Variants in PARG observed in about 807,000 individuals in gnomAD.
PARG encodes the protein mitochondrial poly(ADP-ribose) glycohydrolase.
PARG carries 35 observed loss-of-function variants against 113.0 expected under a neutral mutation model. The observed-to-expected ratio is 0.31, with a 90% CI of 0.24 to 0.41. The LOEUF (loss-of-function observed/expected upper bound fraction) is 0.41. Among genes scored for constraint, PARG ranks in the 10% least tolerant of loss-of-function variants. The pLI is 1.00. For missense variants in PARG, 797 were observed against 1,169.4 expected, an observed-to-expected ratio of 0.68 and a Z score of 4.64; for synonymous variants, 330 against 409.9, an observed-to-expected ratio of 0.81 and a Z score of 2.36.
In PARG at chr10:49,818,784, T is replaced by C. The variant is rs1176841509; in HGVS notation, c.*556A>G. ...ATTATTCTATCTTAAATAAAGAAACTATTTTAACCTAGGAGGTTTGCATTA... is the reference window on the plus strand; with the variant it reads ...ATTATTCTATCTTAAATAAAGAAACCATTTTAACCTAGGAGGTTTGCATTA... On this transcript the variant is annotated 3_prime_UTR_variant, in exon 18 of 18. Coordinates refer to ENST00000616448, the MANE Select transcript of PARG (RefSeq NM_003631.5). 1 of 152,172 alleles carries C rather than the reference T, an allele frequency of 6.6e-6. No individual in the cohort carries two copies. The highest frequency in any genetic ancestry group is 1.5e-5 in the Non-Finnish European group (1 of 68,056). The allele number at this position is 152,172 out of a possible 1,614,324, so 9.4% of individuals were successfully genotyped here. A position where few individuals can be genotyped will look rare whatever the true frequency, so the allele number is the denominator to read the frequency against.
intron 9 of PARG, among the ~76,000 whole-genome samples, chr10:49,873,596 T>C (rs1463311311): frequency 7.4e-6 from 1 of 135,600 alleles, no homozygotes; most frequent in Admixed American, 7.6e-5. Context: ...GAAAATTCCA[T>C]AGACAGAATC....
Position 49,820,160 on chromosome 10 carries a change from C to T in PARG, c.2776+5G>A. The T allele has an allele frequency of 6.5e-7, 1 of 1,540,208 alleles. No individual in the cohort carries two copies. The highest frequency in any genetic ancestry group is 8.8e-7 in the Non-Finnish European group (1 of 1,136,888). ...TACCAAGTGTCAAGAGTATCTCCTACTTACCAACAGTGAGTTTCCTTTCAG... is the reference window on the plus strand; with the variant it reads ...TACCAAGTGTCAAGAGTATCTCCTATTTACCAACAGTGAGTTTCCTTTCAG... On this transcript the variant is annotated splice_donor_5th_base_variant and intron_variant, in intron 17 of 17. Coordinates refer to ENST00000616448, the MANE Select transcript of PARG (RefSeq NM_003631.5).
At chr10:49,869,587 A>G (rs1554837550) in intron 9 of PARG, 32 bp from the exon 10 acceptor site, 4 of 852,600 alleles carry the variant, frequency 4.7e-6, no homozygotes, top group South Asian at 1.4e-5. Context: ...AGAATGGAAG[A>G]TAAGTTAAAA....
At chr10:49,932,999 C>T (rs1838564869) in intron 3 of PARG, among the ~76,000 whole-genome samples, 178 bp downstream of exon 3, 2 of 152,130 alleles carry the variant, frequency 1.3e-5, no homozygotes, top group Admixed American at 1.3e-4. Context: ...TTCTTGTTTT[C>T]TGTTTCTAGC....
At chr10:49,920,649 C>CAT in intron 6 of PARG, among the ~76,000 whole-genome samples, 2 of 145,092 alleles carry the variant, frequency 1.4e-5, no homozygotes, top group African/African-American at 5.1e-5. Context: ...TACACATATA[C>CAT]GTATATATAT....
In PARG at chr10:49,879,737, A is replaced by C; in HGVS notation, c.1924T>G (p.Phe642Val). The C allele has an allele frequency of 6.3e-7, 1 of 1,578,938 alleles. No homozygotes were observed. Among genetic ancestry groups the C allele is most frequent in the South Asian group, 1.2e-5 (1 of 86,500 alleles). Residue 642 changes from phenylalanine to valine, a missense_variant, in exon 9 of 18, where the codon TTT becomes GTT. Around this residue, in one of 5 missense-constraint regions of PARG, gnomAD observed 252 missense variants for 437.4 expected, o/e 0.58. Transcript: ENST00000616448. The stretch of plus-strand genomic sequence containing the variant: ...TTCATCTTAGCATTTCGTCGTGGAA[A>C]TGTGCAGAAGAAAGCATTAGCTAAA... Reference protein sequence around the residue: ...SLLANAFFCTFPRRNAKMKSE... With the variant: ...SLLANAFFCTVPRRNAKMKSE...
At chr10:49,938,369 T>C (rs1169762820) in intron 1 of PARG, among the ~76,000 whole-genome samples, 7 of 151,956 alleles carry the variant, frequency 4.6e-5, no homozygotes, top group Non-Finnish European at 1.0e-4. Context: ...CTTCACACCA[T>C]TTACATTTAC....
intron 7 of PARG, among the ~76,000 whole-genome samples, chr10:49,893,168 C>G (rs1847896679): frequency 6.6e-6 from 1 of 151,872 alleles, no homozygotes; most frequent in South Asian, 2.1e-4. Flanking sequence ...AGACCCTTTT[C>G]CAACATTGTA....
chr10:49,828,092 CAAAAAAA>C (rs71026274), intron 16 of PARG, among the ~76,000 whole-genome samples: 1 of 50,368 alleles, frequency 2.0e-5, no homozygotes, highest in Non-Finnish European at 3.5e-5. Flanking sequence ...AAAGCTTAAA[CAAAAAAA>C]AAAAAAAAAA....
intron 11 of PARG, among the ~76,000 whole-genome samples, chr10:49,864,238 T>C (rs1257873716): frequency 6.6e-6 from 1 of 152,154 alleles, no homozygotes; most frequent in Non-Finnish European, 1.5e-5. Context: ...CAAAATGCTG[T>C]ACGTGTTCTC....
At chr10:49,881,688 A>G (rs1239500885) in intron 8 of PARG, among the ~76,000 whole-genome samples, 3 of 152,378 alleles carry the variant, frequency 2.0e-5, no homozygotes, top group African/African-American at 7.2e-5. Flanking sequence ...GTACAGAAGT[A>G]CACACCACTG....
At chr10:49,902,935 T>A (rs191594626) in intron 7 of PARG, among the ~76,000 whole-genome samples, 1,978 of 151,750 alleles carry the variant, frequency 0.013, 38 homozygotes, top group African/African-American at 0.044. Flanking sequence ...CGGGTTCAAG[T>A]GATTCTCCTG....
chr10:49,873,134 A>G (rs1474519103), intron 9 of PARG, among the ~76,000 whole-genome samples: 1 of 9,976 alleles, frequency 1.0e-4, no homozygotes, highest in African/African-American at 4.3e-4. Flanking sequence ...GGCTTAAAGA[A>G]CACAGCAATA....
intron 16 of PARG, among the ~76,000 whole-genome samples, chr10:49,827,521 A>G (rs2132372019): frequency 6.6e-6 from 1 of 152,268 alleles, no homozygotes; most frequent in Middle Eastern, 3.4e-3. Context: ...TTTTCCGCTT[A>G]CCACTAGGGA....
chr10:49,930,428 C>T (rs1243411470), intron 4 of PARG, among the ~76,000 whole-genome samples: 2 of 151,898 alleles, frequency 1.3e-5, no homozygotes, highest in East Asian at 1.9e-4. Context: ...AGCACAGATA[C>T]TGTCTGCACA....
intron 7 of PARG, among the ~76,000 whole-genome samples, chr10:49,902,749 G>A (rs1179234258): frequency 6.6e-6 from 1 of 152,188 alleles, no homozygotes; most frequent in Non-Finnish European, 1.5e-5. Context: ...TCAGCACTCT[G>A]GGAGGCCAAA....
intron 16 of PARG, among the ~76,000 whole-genome samples, chr10:49,832,441 T>TTAAA (rs1485746063): frequency 6.6e-6 from 1 of 152,176 alleles, no homozygotes; most frequent in Non-Finnish European, 1.5e-5. Context: ...TGCTATTAAA[T>TTAAA]TTGGTGGATG....
Position 49,932,240 on chromosome 10 carries a change from T to A in PARG, c.1315A>T (p.Ile439Phe). Residue 439 changes from isoleucine to phenylalanine, a missense_variant, in exon 4 of 18, where the codon ATC becomes TTC. Physicochemically the swap from Ile to Phe is conservative, Grantham distance 21 (BLOSUM62 0). Coordinates refer to ENST00000616448, the MANE Select transcript of PARG (RefSeq NM_003631.5). ...ETKHQRTERK[I>F]PKYVPPHLSP... is the part of the protein sequence containing the mutation. ...AGGTGAGGTGGAACGTATTTAGGGATCTTCCTTTCTGTTCTTTGATGTTTG... is the reference window on the plus strand; with the variant it reads ...AGGTGAGGTGGAACGTATTTAGGGAACTTCCTTTCTGTTCTTTGATGTTTG... 6.3e-7 allele frequency: 1 copy of A among 1,597,404 alleles called. No homozygotes were observed. The highest frequency in any genetic ancestry group is 8.6e-7 in the Non-Finnish European group (1 of 1,164,652).
At chr10:49,866,267 A>G (rs1268583837) in intron 10 of PARG, among the ~76,000 whole-genome samples, 4 of 152,062 alleles carry the variant, frequency 2.6e-5, no homozygotes, top group Admixed American at 6.6e-5. Context: ...AAAGCTCTTA[A>G]GGAAAGAGAG....
Sources: gnomAD v4.1 joint callset for allele counts (sites outside exome capture counted in the v4.1 genomes callset) on GRCh38, gnomAD v4.1.1 for gene constraint, gnomAD v4.1.1 regional missense constraint, MANE v1.5 for transcripts, NCBI Gene and HGNC (gene_info 2026-07-23, HGNC 2026-07-21) for gene names.